Variants in KIF26B observed in about 807,000 individuals in gnomAD.
The protein encoded by KIF26B is kinesin-like protein KIF26B.
Under a neutral mutation model 151.2 loss-of-function variants are expected in KIF26B, and 63 were observed. That is an observed-to-expected ratio of 0.42 (90% CI 0.34 to 0.51). KIF26B has a LOEUF of 0.51. Ranked by LOEUF, KIF26B falls within the 20% of genes least tolerant of loss-of-function variation. KIF26B has a pLI of 0.07. For synonymous variants in KIF26B, 1,357 were observed against 1,262.1 expected (o/e 1.08, Z -1.59); for missense variants, 2,813 against 2,913.6 (o/e 0.97, Z 0.79).
intron 2 of KIF26B, among the ~76,000 whole-genome samples, chr1:245,302,781 C>T (rs1056280567): frequency 2.6e-5 from 4 of 151,922 alleles, no homozygotes; most frequent in Non-Finnish European, 5.9e-5. Flanking sequence ...AAGAGGTCAG[C>T]AGTTTGAGAC....
rs780358484 is a variant in KIF26B at position 245,516,111 on chromosome 1, A to G, written c.1167-24656A>G. On this transcript the variant is annotated intron_variant, in intron 4 of 14. Transcript: ENST00000407071. The surrounding 1 kb of genome is among the most constrained non-coding windows in gnomAD (Gnocchi z 4.2). ...CTGAGTTTGTTTTCACGGTGGGACTATCCAGGACTAAAGAGAATGGCACCG... is the reference window on the plus strand; with the variant it reads ...CTGAGTTTGTTTTCACGGTGGGACTGTCCAGGACTAAAGAGAATGGCACCG... Among the ~76,000 whole-genome samples, 6 of 152,162 alleles carry G rather than the reference A, an allele frequency of 3.9e-5. No individual in the cohort carries two copies. The highest frequency in any genetic ancestry group is 8.8e-5 in the Non-Finnish European group (6 of 67,980).
At chr1:245,379,022 A>G (rs560606557) in intron 3 of KIF26B, among the ~76,000 whole-genome samples, 1 of 152,362 alleles carries the variant, frequency 6.6e-6, no homozygotes, top group East Asian at 1.9e-4. Flanking sequence ...ACTCAAGTTC[A>G]TGTGACTCAA....
chr1:245,203,981 C>T (rs929176153), intron 2 of KIF26B, among the ~76,000 whole-genome samples: 8 of 152,208 alleles, frequency 5.3e-5, no homozygotes, highest in African/African-American at 1.4e-4. Flanking sequence ...TAATTAGGAA[C>T]TAGGTCCAGT....
intron 3 of KIF26B, among the ~76,000 whole-genome samples, chr1:245,404,456 TC>T (rs1263250168): frequency 3.0e-4 from 45 of 152,274 alleles, no homozygotes; most frequent in African/African-American, 1.1e-3. Context: ...TCTCGCTGGT[TC>T]CGGTTTATTA....
chr1:245,459,828 A>T (rs79173420), intron 4 of KIF26B, among the ~76,000 whole-genome samples: 1,902 of 152,234 alleles, frequency 0.012, 45 homozygotes, highest in African/African-American at 0.043. Flanking sequence ...AGTCTCTGAA[A>T]TGTGCACCTG....
intron 4 of KIF26B, among the ~76,000 whole-genome samples, chr1:245,478,606 T>C (rs920915415): frequency 6.6e-6 from 1 of 151,504 alleles, no homozygotes; most frequent in Non-Finnish European, 1.5e-5. Flanking sequence ...GTAGTACAGA[T>C]GGGGTTTCAC....
chr1:245,380,112 G>A (rs571970028), intron 3 of KIF26B, among the ~76,000 whole-genome samples: 22 of 152,280 alleles, frequency 1.4e-4, no homozygotes, highest in African/African-American at 4.8e-4. Context: ...GTGAGGATTA[G>A]TTAATGAGTC....
intron 10 of KIF26B, among the ~76,000 whole-genome samples, chr1:245,671,749 TAGTGGATGATAATG>T (rs1474869552): frequency 6.6e-6 from 1 of 152,194 alleles, no homozygotes; most frequent in Non-Finnish European, 1.5e-5. Context: ...CAAGGATTAG[TAGTGGATGATAATG>T]AGTGGATTCA....
chr1:245,581,718 T>C lies in KIF26B; in HGVS notation c.1351-20859T>C, dbSNP rs146139833. Among the ~76,000 whole-genome samples, 15 of 152,302 alleles carry C rather than the reference T, an allele frequency of 9.8e-5. No individual in the cohort carries two copies. The East Asian group carries it at 2.9e-3, about 29-fold the overall frequency. On this transcript the variant is annotated intron_variant, in intron 5 of 14. Coordinates refer to ENST00000407071, the MANE Select transcript of KIF26B (RefSeq NM_018012.4). ...CACCACATGTAATTATTGAACTTTGTATATCACTTTACCTTTCTGGGTCTC... is the reference window on the plus strand; with the variant it reads ...CACCACATGTAATTATTGAACTTTGCATATCACTTTACCTTTCTGGGTCTC...
At position 245,440,152 on chromosome 1, in the gene KIF26B, C is replaced by T. The variant is rs185213062; in HGVS notation, c.1166+20407C>T. Among the ~76,000 whole-genome samples, 88 of 151,388 alleles carry T rather than the reference C, an allele frequency of 5.8e-4. 1 individual carries two copies. The East Asian group carries it at 7.4e-3, about 13-fold the overall frequency. ...AGGAGAATGGCGTGAACCTGGGAGG[C>T]GGAGCTCGCAGTGAGCCGAGATCGT... On this transcript the variant is annotated intron_variant, in intron 4 of 14. Transcript: ENST00000407071.
At chr1:245,232,884 T>A (rs1004097372) in intron 2 of KIF26B, among the ~76,000 whole-genome samples, 3 of 152,162 alleles carry the variant, frequency 2.0e-5, no homozygotes, top group African/African-American at 7.2e-5. Flanking sequence ...ACGTTGCACA[T>A]CAATATGTGA....
chr1:245,700,103 T>G (rs1424366350), intron 14 of KIF26B, among the ~76,000 whole-genome samples: 2 of 138,882 alleles, frequency 1.4e-5, no homozygotes, highest in Non-Finnish European at 3.1e-5. Context: ...TGGAGCATTC[T>G]ATAATATAAT....
In KIF26B at chr1:245,698,447, G is replaced by C. The variant is rs2044724088; in HGVS notation, c.6027+139G>C. Reference sequence around the variant, plus strand: ...GGCTTCTGGCATGGGTGGTGGGAAGGGGGCTTCTGTCCCAGCAAAGGGCCT... The same window carrying C: ...GGCTTCTGGCATGGGTGGTGGGAAGCGGGCTTCTGTCCCAGCAAAGGGCCT... On this transcript the variant is annotated intron_variant, in intron 13 of 14. Coordinates refer to ENST00000407071, the MANE Select transcript of KIF26B (RefSeq NM_018012.4). This position sits in a 1 kb window ranked among gnomAD's most constrained non-coding sequence, Gnocchi z 4.0. 1.4e-6 allele frequency: 1 copy of C among 730,330 alleles called. No individual in the cohort carries two copies. The highest frequency in any genetic ancestry group is 2.2e-6 in the Non-Finnish European group (1 of 449,828). The allele number at this position is 730,330 out of a possible 1,614,324, so 45.2% of individuals were successfully genotyped here. A position where few individuals can be genotyped will look rare whatever the true frequency, so the allele number is the denominator to read the frequency against.
intron 4 of KIF26B, among the ~76,000 whole-genome samples, chr1:245,489,165 C>T (rs1370479263): frequency 6.6e-6 from 1 of 152,184 alleles, no homozygotes; most frequent in South Asian, 2.1e-4. Flanking sequence ...ATTATAAATG[C>T]GCTCATCATA....
chr1:245,662,711 TAC>T (rs2044167596), intron 10 of KIF26B, among the ~76,000 whole-genome samples: 3 of 24,888 alleles, frequency 1.2e-4, no homozygotes, highest in Non-Finnish European at 9.4e-5. Context: ...AACCCAATGA[TAC>T]ATATACACAC....
intron 4 of KIF26B, among the ~76,000 whole-genome samples, chr1:245,486,802 C>G (rs531719865): frequency 6.6e-6 from 1 of 152,328 alleles, no homozygotes; most frequent in Non-Finnish European, 1.5e-5. Context: ...TCCCAAGTAG[C>G]TGGAACCACA....
At chr1:245,594,148 G>C (rs181122182) in intron 5 of KIF26B, among the ~76,000 whole-genome samples, 273 of 152,164 alleles carry the variant, frequency 1.8e-3, no homozygotes, top group African/African-American at 6.1e-3. Context: ...AGTTTCTTTT[G>C]CTGTGCAGAA....
At chr1:245,668,658 G>A (rs191263147) in intron 10 of KIF26B, among the ~76,000 whole-genome samples, 146 of 152,254 alleles carry the variant, frequency 9.6e-4, no homozygotes, top group African/African-American at 3.4e-3. Flanking sequence ...TGTGAGAACT[G>A]TAGGATCATG....
chr1:245,502,258 G>A (rs1660636507), intron 4 of KIF26B, among the ~76,000 whole-genome samples: 1 of 152,150 alleles, frequency 6.6e-6, no homozygotes, highest in Non-Finnish European at 1.5e-5. Context: ...GCTGGGAAGG[G>A]TGGCTCACAC....
Sources: gnomAD v4.1 joint callset for allele counts (sites outside exome capture counted in the v4.1 genomes callset) on GRCh38, gnomAD v4.1.1 for gene constraint, Gnocchi (gnomAD v3.1) non-coding constraint, MANE v1.5 for transcripts, NCBI Gene and HGNC (gene_info 2026-07-23, HGNC 2026-07-21) for gene names.